The following SATB2 variants were observed in gnomAD, a reference collection of about 807,000 sequenced individuals.
The protein encoded by SATB2 is SATB homeobox 2, also known as DNA-binding protein SATB2.
In SATB2, 1 loss-of-function variant was observed where a neutral mutation model predicts 73.4. The ratio of observed to expected loss-of-function variants is 0.01; its 90% confidence interval spans 0.00 to 0.06. The LOEUF (loss-of-function observed/expected upper bound fraction) is 0.06. Ranked by LOEUF, SATB2 falls within the 10% of genes least tolerant of loss-of-function variation. The pLI is 1.00. For missense variants in SATB2, 459 were observed against 945.8 expected (o/e 0.49, Z 6.75); for synonymous variants, 397 against 367.0 (o/e 1.08, Z -0.93).
chr2:199,320,585 C>A (rs1041379725), intron 9 of SATB2, among the ~76,000 whole-genome samples: 1 of 152,108 alleles, frequency 6.6e-6, no homozygotes, highest in South Asian at 2.1e-4. Context: ...CCTACAAATG[C>A]ATCCTCATGT....
At chr2:199,291,269 A>G (rs1482931875) in intron 10 of SATB2, among the ~76,000 whole-genome samples, 3 of 152,178 alleles carry the variant, frequency 2.0e-5, no homozygotes, top group African/African-American at 7.2e-5. Context: ...CAAAGTAAGC[A>G]AAGAGAATGG....
intron 7 of SATB2, among the ~76,000 whole-genome samples, chr2:199,346,248 C>T (rs1012932207): frequency 2.6e-5 from 4 of 151,590 alleles, no homozygotes; most frequent in African/African-American, 4.8e-5. Context: ...CTCCTGGGTT[C>T]AAGTGATTCT....
At chr2:199,377,493 C>T (rs1227485920) in intron 5 of SATB2, among the ~76,000 whole-genome samples, 1 of 152,080 alleles carries the variant, frequency 6.6e-6, no homozygotes, top group Non-Finnish European at 1.5e-5. Context: ...TTTTTAATGC[C>T]ACACTAGTTA....
At position 199,308,989 on chromosome 2, in the gene SATB2, T is replaced by C. The variant is rs377438428; in HGVS notation, c.1543-32A>G. On this transcript the variant is annotated intron_variant, in intron 9 of 10. Transcript: ENST00000417098. The surrounding 1 kb of genome is among the most constrained non-coding windows in gnomAD (Gnocchi z 4.6). The stretch of plus-strand genomic sequence containing the variant: ...AGAGAGGAGGTCGCTTGCATTAACC[T>C]GCAGAGTGTAGAGGAGCTGAGGGGG... 31 of 1,584,948 alleles carry C rather than the reference T, an allele frequency of 2.0e-5. No individual in the cohort carries two copies. Among genetic ancestry groups the C allele is most frequent in the Non-Finnish European group, 2.6e-5 (30 of 1,154,746 alleles).
chr2:199,456,456 G>A (rs1421124236), intron 1 of SATB2, among the ~76,000 whole-genome samples: 1 of 152,244 alleles, frequency 6.6e-6, no homozygotes, highest in East Asian at 1.9e-4. Flanking sequence ...GGTCAGGGTT[G>A]CGGAATAAGT....
At chr2:199,350,672 C>T (rs1262546789) in intron 6 of SATB2, among the ~76,000 whole-genome samples, 3 of 151,972 alleles carry the variant, frequency 2.0e-5, no homozygotes, top group African/African-American at 7.3e-5. Context: ...ATGTGAACAC[C>T]CGTCTTGGTA....
intron 3 of SATB2, among the ~76,000 whole-genome samples, chr2:199,392,577 T>C (rs138363941): frequency 1.0e-3 from 154 of 152,264 alleles, no homozygotes; most frequent in African/African-American, 3.6e-3. Flanking sequence ...ATACAGTGGG[T>C]GTGTGTATGT....
intron 10 of SATB2, among the ~76,000 whole-genome samples, chr2:199,307,253 G>A (rs942193256): frequency 7.2e-5 from 11 of 152,218 alleles, no homozygotes; most frequent in Non-Finnish European, 1.6e-4. Context: ...CAATAAATAG[G>A]AGCTTCCCTA....
intron 9 of SATB2, among the ~76,000 whole-genome samples, chr2:199,312,647 A>G (rs1379509757): frequency 2.6e-5 from 4 of 152,198 alleles, no homozygotes; most frequent in African/African-American, 9.7e-5. Context: ...ACATTCCATG[A>G]TCTGTTACCT....
At position 199,272,756 on chromosome 2, in the gene SATB2, T is replaced by G; in HGVS notation, c.1741-84A>C. 1 of 1,252,592 alleles carries G rather than the reference T, an allele frequency of 8.0e-7. No individual in the cohort carries two copies. The highest frequency in any genetic ancestry group is 1.2e-6 in the Non-Finnish European group (1 of 852,814). 77.6% of individuals were successfully genotyped at this position (1,252,592 alleles called of 1,614,324 possible). Reference sequence around the variant, plus strand: ...CATCAGCCCTCTGAAATATGTGTTATCTATCTAGCACTGGAGGTAAGCTAT... The same window carrying G: ...CATCAGCCCTCTGAAATATGTGTTAGCTATCTAGCACTGGAGGTAAGCTAT... On this transcript the variant is annotated intron_variant, in intron 10 of 10. Transcript: ENST00000417098. The surrounding 1 kb of genome is among the most constrained non-coding windows in gnomAD (Gnocchi z 6.7).
intron 9 of SATB2, among the ~76,000 whole-genome samples, chr2:199,321,670 T>C (rs1687896769): frequency 6.6e-6 from 1 of 152,086 alleles, no homozygotes; most frequent in African/African-American, 2.4e-5. Context: ...AAATGTACTT[T>C]TTATCAAATG....
At chr2:199,311,618 G>A (rs1687597934) in intron 9 of SATB2, among the ~76,000 whole-genome samples, 2 of 152,096 alleles carry the variant, frequency 1.3e-5, no homozygotes. Flanking sequence ...CTCCTGTGAT[G>A]CCATATATAG....
At chr2:199,465,480 T>C (rs1692575809), upstream of SATB2, among the ~76,000 whole-genome samples, 2 of 152,270 alleles carry the variant, frequency 1.3e-5, no homozygotes, top group Non-Finnish European at 2.9e-5. Context: ...AAGACTTCTA[T>C]ATGATAAAAC....
At chr2:199,384,621 G>A (rs1291300378) in intron 3 of SATB2, among the ~76,000 whole-genome samples, 1 of 152,180 alleles carries the variant, frequency 6.6e-6, no homozygotes, top group Non-Finnish European at 1.5e-5. Context: ...AAATCAAATT[G>A]GGAAGCAGTA....
Position 199,381,722 on chromosome 2 carries a change from C to T in SATB2, c.445G>A (p.Val149Ile). The T allele has an allele frequency of 6.2e-7, 1 of 1,614,116 alleles. No homozygotes were observed. The highest frequency in any genetic ancestry group is 8.5e-7 in the Non-Finnish European group (1 of 1,179,970). The change falls in exon 4 of 11, where the codon GTT becomes ATT. Residue 149 changes from valine (V) to isoleucine (I), a missense_variant. Coordinates refer to ENST00000417098, the MANE Select transcript of SATB2 (RefSeq NM_001172509.2). ...VADMLQDVYH[V>I]VTLKIQLQSC... ...TGTAATTGGATTTTCAACGTCACAACATGATAGACATCTTGTAGCATGTCG... is the reference window on the plus strand; with the variant it reads ...TGTAATTGGATTTTCAACGTCACAATATGATAGACATCTTGTAGCATGTCG...
intron 3 of SATB2, among the ~76,000 whole-genome samples, chr2:199,410,902 TAA>T (rs546532268): frequency 7.7e-4 from 117 of 152,282 alleles, no homozygotes; most frequent in African/African-American, 2.6e-3. Context: ...AATATAAAAA[TAA>T]AGTTTTTTTT....
chr2:199,417,938 T>C (rs527829694), intron 3 of SATB2, among the ~76,000 whole-genome samples: 1 of 152,240 alleles, frequency 6.6e-6, no homozygotes, highest in East Asian at 1.9e-4. Context: ...CTTAAGAAAA[T>C]TTAAGATTGG....
intron 2 of SATB2, among the ~76,000 whole-genome samples, chr2:199,436,946 G>C (rs1333154082): frequency 1.3e-5 from 2 of 151,448 alleles, no homozygotes; most frequent in South Asian, 2.1e-4. Context: ...AAGTGACAAT[G>C]GATAGAAAGA....
chr2:199,404,927 T>G (rs1478047579), intron 3 of SATB2, among the ~76,000 whole-genome samples: 1 of 152,192 alleles, frequency 6.6e-6, no homozygotes, highest in African/African-American at 2.4e-5. Context: ...AAGCTGGAAC[T>G]GTAAAATAAA....
Sources: gnomAD v4.1 joint callset for allele counts (sites outside exome capture counted in the v4.1 genomes callset) on GRCh38, gnomAD v4.1.1 for gene constraint, Gnocchi (gnomAD v3.1) non-coding constraint, MANE v1.5 for transcripts, NCBI Gene and HGNC (gene_info 2026-07-23, HGNC 2026-07-21) for gene names.